The following EXOC4 variants were observed in gnomAD, a reference collection of about 807,000 sequenced individuals.
EXOC4 encodes SEC8-like 1.
A neutral mutation model predicts 107.2 loss-of-function variants in EXOC4; 71 were observed. The ratio of observed to expected loss-of-function variants is 0.66; its 90% CI spans 0.55 to 0.81. The LOEUF (loss-of-function observed/expected upper bound fraction) is 0.81. Among genes scored for constraint, EXOC4 ranks in the 30% least tolerant of loss-of-function variants. EXOC4 has a pLI of 0.00. For missense variants in EXOC4, 1,108 were observed against 1,189.6 expected, an observed-to-expected ratio of 0.93 and a Z score of 1.01; for synonymous variants, 456 against 441.2, an observed-to-expected ratio of 1.03 and a Z score of -0.42.
At chr7:133,343,498 ACCT>A (rs903235740) in intron 5 of EXOC4, among the ~76,000 whole-genome samples, 54 of 150,744 alleles carry the variant, frequency 3.6e-4, no homozygotes, top group African/African-American at 1.3e-3. Flanking sequence ...GCTGAATTTG[ACCT>A]CCTGGGCTCA....
In EXOC4 at chr7:133,541,050, T is replaced by C. The variant is rs1800369950; in HGVS notation, c.1417+60912T>C. 1.3e-5 allele frequency among the ~76,000 whole-genome samples: 2 copies of C among 152,210 alleles called. 1 individual carries two copies. The highest frequency in any genetic ancestry group is 4.1e-4 in the South Asian group (2 of 4,832). ...AAACCGTGGCACATCTGAATATTTA[T>C]GTCTACATGAAATAATCTTTGAGAA... is the stretch of plus-strand genomic sequence containing the variant. On this transcript the variant is annotated intron_variant, in intron 9 of 17. Transcript: ENST00000253861.
intron 9 of EXOC4, among the ~76,000 whole-genome samples, chr7:133,599,135 A>G (rs540199645): frequency 1.3e-5 from 2 of 152,314 alleles, no homozygotes; most frequent in African/African-American, 4.8e-5. Flanking sequence ...GAAAATATTA[A>G]TGCAACTAAT....
intron 7 of EXOC4, among the ~76,000 whole-genome samples, chr7:133,437,982 A>C (rs1239788077): frequency 6.6e-6 from 1 of 152,132 alleles, no homozygotes; most frequent in Non-Finnish European, 1.5e-5. Context: ...GTAATTTTAA[A>C]AGCTCCTCTT....
At chr7:133,844,413 TG>T (rs1358764618) in intron 11 of EXOC4, among the ~76,000 whole-genome samples, 2 of 126,206 alleles carry the variant, frequency 1.6e-5, no homozygotes, top group Non-Finnish European at 3.2e-5. Flanking sequence ...TTTTTTGAGA[TG>T]GAGTCTTGCT....
chr7:133,291,329 T>C (rs1794399574), intron 3 of EXOC4, among the ~76,000 whole-genome samples: 1 of 152,092 alleles, frequency 6.6e-6, no homozygotes. Flanking sequence ...ATAAAGAAAT[T>C]AAAAATCGTA....
At chr7:133,797,547 G>A (rs1344465608) in intron 10 of EXOC4, among the ~76,000 whole-genome samples, 2 of 152,136 alleles carry the variant, frequency 1.3e-5, no homozygotes, top group African/African-American at 4.8e-5. Context: ...AGAGGTCAGG[G>A]AACACAATGC....
intron 11 of EXOC4, among the ~76,000 whole-genome samples, chr7:133,860,985 T>C (rs2116338861): frequency 6.6e-6 from 1 of 152,324 alleles, no homozygotes; most frequent in African/African-American, 2.4e-5. Context: ...TTCACTTTTC[T>C]TTATTAAGAA....
chr7:133,828,385 C>T (rs1020985953), intron 11 of EXOC4, among the ~76,000 whole-genome samples: 3 of 152,188 alleles, frequency 2.0e-5, no homozygotes, highest in South Asian at 2.1e-4. Context: ...AATTGCTGAT[C>T]GTGCGAGATT....
At chr7:133,674,386 T>A (rs982094857) in intron 10 of EXOC4, among the ~76,000 whole-genome samples, 1 of 152,234 alleles carries the variant, frequency 6.6e-6, no homozygotes, top group Admixed American at 6.5e-5. Flanking sequence ...TGGATTTTTT[T>A]ATACATTCAT....
intron 10 of EXOC4, among the ~76,000 whole-genome samples, chr7:133,652,263 A>G (rs1000360697): frequency 6.6e-6 from 1 of 152,206 alleles, no homozygotes; most frequent in African/African-American, 2.4e-5. Flanking sequence ...CAGCCTAGAC[A>G]TATAGTATCT....
intron 9 of EXOC4, among the ~76,000 whole-genome samples, chr7:133,506,825 A>AT (rs1563090578): frequency 6.6e-6 from 1 of 151,974 alleles, no homozygotes; most frequent in African/African-American, 2.4e-5. Context: ...GGTTTAGCAT[A>AT]TTTTTTGCAT....
At chr7:133,384,948 G>T (rs1225459503) in intron 7 of EXOC4, among the ~76,000 whole-genome samples, 1 of 151,906 alleles carries the variant, frequency 6.6e-6, no homozygotes, top group Non-Finnish European at 1.5e-5. Context: ...ACATGGCATT[G>T]GCTGAGAACA....
At chr7:133,363,828 A>G (rs1051321278) in intron 6 of EXOC4, among the ~76,000 whole-genome samples, 3 of 152,166 alleles carry the variant, frequency 2.0e-5, no homozygotes, top group South Asian at 2.1e-4. Flanking sequence ...TGCACTTGCT[A>G]TTGTTATAAT....
At chr7:133,414,958 C>A (rs1319975014) in intron 7 of EXOC4, among the ~76,000 whole-genome samples, 3 of 152,110 alleles carry the variant, frequency 2.0e-5, no homozygotes, top group African/African-American at 7.2e-5. Context: ...TATTCTCCAG[C>A]CCTAGGCAAC....
At chr7:133,428,964 T>C (rs904041649) in intron 7 of EXOC4, among the ~76,000 whole-genome samples, 2 of 152,102 alleles carry the variant, frequency 1.3e-5, no homozygotes, top group African/African-American at 4.8e-5. Flanking sequence ...AAAATTCTTA[T>C]AATGAGTCAG....
intron 9 of EXOC4, among the ~76,000 whole-genome samples, chr7:133,613,573 T>C (rs1241118703): frequency 6.6e-6 from 1 of 150,944 alleles, no homozygotes; most frequent in Non-Finnish European, 1.5e-5. Context: ...GTGGAAGTGC[T>C]CCCAAGAAGC....
chr7:133,747,500 C>A (rs574585783), intron 10 of EXOC4, among the ~76,000 whole-genome samples: 4 of 151,984 alleles, frequency 2.6e-5, no homozygotes, highest in African/African-American at 7.3e-5. Context: ...GTGGTTAGAA[C>A]GCCAAGAAGA....
At chr7:133,999,871 A>G (rs995952315) in intron 15 of EXOC4, among the ~76,000 whole-genome samples, 7 of 152,196 alleles carry the variant, frequency 4.6e-5, no homozygotes, top group African/African-American at 1.4e-4. Flanking sequence ...CATCTTGGCA[A>G]TACTCTTCTT....
At chr7:133,562,353 T>C (rs59149205) in intron 9 of EXOC4, among the ~76,000 whole-genome samples, 2,346 of 152,222 alleles carry the variant, frequency 0.015, 70 homozygotes, top group African/African-American at 0.054. Context: ...GGATTAGGGT[T>C]CTCATGGTGT....
Sources: gnomAD v4.1 joint callset for allele counts (sites outside exome capture counted in the v4.1 genomes callset) on GRCh38, gnomAD v4.1.1 for gene constraint, MANE v1.5 for transcripts, NCBI Gene and HGNC (gene_info 2026-07-23, HGNC 2026-07-21) for gene names.